Variants in IMMP2L observed in about 807,000 individuals in gnomAD.
IMMP2L encodes inner mitochondrial membrane peptidase subunit 2, also known as mitochondrial inner membrane protease subunit 2.
In IMMP2L, 18 loss-of-function variants were observed where a neutral mutation model predicts 19.3. The ratio of observed to expected loss-of-function variants is 0.93; its 90% CI spans 0.64 to 1.38. The LOEUF (loss-of-function observed/expected upper bound fraction) is 1.38, where lower values mean the gene tolerates loss of function less well. IMMP2L is among the 40% of genes most tolerant of loss of function. The pLI is 0.00. For synonymous variants in IMMP2L, 76 were observed against 73.0 expected (o/e 1.04, Z -0.21); for missense variants, 233 against 218.2 (o/e 1.07, Z -0.43).
intron 3 of IMMP2L, chr7:111,391,706 C>A: frequency 2.0e-6 from 1 of 507,296 alleles, no homozygotes; most frequent in Non-Finnish European, 3.5e-6. Context: ...TCCAAAGATG[C>A]AAATTTTTTA....
chr7:111,422,917 T>C (rs1282188255), intron 3 of IMMP2L, among the ~76,000 whole-genome samples: 2 of 151,880 alleles, frequency 1.3e-5, no homozygotes, highest in South Asian at 2.1e-4. Flanking sequence ...ATTGAAAGTT[T>C]TTAGCATGAA....
intron 5 of IMMP2L, among the ~76,000 whole-genome samples, chr7:110,670,675 G>T (rs1791836901): frequency 7.2e-6 from 1 of 138,420 alleles, no homozygotes. Flanking sequence ...TGGTGACAGA[G>T]CAAGACTCCG....
At chr7:110,866,707 G>C (rs1388486276) in intron 5 of IMMP2L, among the ~76,000 whole-genome samples, 1 of 152,174 alleles carries the variant, frequency 6.6e-6, no homozygotes, top group Admixed American at 6.6e-5. Flanking sequence ...TTTTACCAAA[G>C]GTTTCCGAGA....
At chr7:110,849,717 AAC>A (rs1476315758) in intron 5 of IMMP2L, among the ~76,000 whole-genome samples, 1 of 152,132 alleles carries the variant, frequency 6.6e-6, no homozygotes, top group Non-Finnish European at 1.5e-5. Context: ...TGCAGCAGTA[AAC>A]ATTTTCTGTA....
rs577015906 is a variant in IMMP2L, at chr7:111,195,827, T to C, written c.240-232262A>G. Among the ~76,000 whole-genome samples the C allele has an allele frequency of 8.0e-3, 375 of 47,056 alleles. 1 individual carries two copies. Among genetic ancestry groups the C allele is most frequent in the Non-Finnish European group, 0.02 (303 of 15,116 alleles). The allele number at this position is 47,056 out of a possible 152,430, so 30.9% of individuals were successfully genotyped here. On this transcript the variant is annotated intron_variant, in intron 3 of 5. Transcript: ENST00000405709. ...TTAATTTTTATTGTTTATTTTATTTTATTTCATTTCATTTCATTTCATTTC... is the reference window on the plus strand; with the variant it reads ...TTAATTTTTATTGTTTATTTTATTTCATTTCATTTCATTTCATTTCATTTC...
intron 5 of IMMP2L, among the ~76,000 whole-genome samples, chr7:110,703,757 G>C (rs1302995645): frequency 6.6e-6 from 1 of 151,912 alleles, no homozygotes; most frequent in Admixed American, 6.6e-5. Flanking sequence ...ATAATGACTA[G>C]GTTTCAAAAT....
chr7:111,108,728 A>G (rs1798831766), intron 3 of IMMP2L, among the ~76,000 whole-genome samples: 3 of 152,176 alleles, frequency 2.0e-5, no homozygotes, highest in South Asian at 4.1e-4. Context: ...CCAAGCTTAC[A>G]TCATCACTCA....
chr7:111,076,196 C>T (rs916987373), intron 3 of IMMP2L, among the ~76,000 whole-genome samples: 5 of 152,146 alleles, frequency 3.3e-5, no homozygotes, highest in Admixed American at 3.3e-4. Context: ...TGGACCAGCA[C>T]CACCAATGTC....
chr7:110,828,215 G>T (rs1584954259), intron 5 of IMMP2L, among the ~76,000 whole-genome samples: 1 of 152,110 alleles, frequency 6.6e-6, no homozygotes, highest in African/African-American at 2.4e-5. Context: ...ATATGTTAAT[G>T]AATGGGCATG....
At chr7:110,909,365 A>G (rs1812794462) in intron 4 of IMMP2L, among the ~76,000 whole-genome samples, 1 of 152,160 alleles carries the variant, frequency 6.6e-6, no homozygotes, top group Non-Finnish European at 1.5e-5. Context: ...ACATGAGTTC[A>G]TTTTACACAG....
intron 1 of IMMP2L, among the ~76,000 whole-genome samples, chr7:111,560,299 C>A (rs1394336185): frequency 1.3e-5 from 2 of 152,062 alleles, no homozygotes; most frequent in African/African-American, 4.8e-5. Flanking sequence ...TAGCTTAGAT[C>A]TTTTAAATGA....
chr7:110,970,466 T>C (rs1274676033), intron 3 of IMMP2L, among the ~76,000 whole-genome samples: 2 of 152,150 alleles, frequency 1.3e-5, no homozygotes, highest in African/African-American at 4.8e-5. Flanking sequence ...CATGGAGTTA[T>C]GGCTTTTAAA....
At chr7:110,899,812 C>CGTG (rs2129547095) in intron 4 of IMMP2L, among the ~76,000 whole-genome samples, 1 of 152,262 alleles carries the variant, frequency 6.6e-6, no homozygotes, top group African/African-American at 2.4e-5. Flanking sequence ...AAACATAAAG[C>CGTG]TCACATAAAA....
At chr7:111,144,705 T>A (rs897180063) in intron 3 of IMMP2L, among the ~76,000 whole-genome samples, 1 of 152,070 alleles carries the variant, frequency 6.6e-6, no homozygotes, top group Non-Finnish European at 1.5e-5. Context: ...TGGATTACAA[T>A]GAAAGAGATA....
Position 111,398,864 on chromosome 7 carries a change from C to T in IMMP2L, c.239+88374G>A, listed in dbSNP as rs1833138696. ...GCAGAGAATCAAATAAAGAACTCAACCCCTTTTACAATAGCTGCAAAAAAA... is the reference window on the plus strand; with the variant it reads ...GCAGAGAATCAAATAAAGAACTCAATCCCTTTTACAATAGCTGCAAAAAAA... On this transcript the variant is annotated intron_variant, in intron 3 of 5. Transcript: ENST00000405709. Among the ~76,000 whole-genome samples the T allele has an allele frequency of 2.0e-5, 3 of 150,776 alleles. No individual in the cohort carries two copies. In the South Asian group the frequency reaches 6.3e-4, roughly 32 times the overall value.
chr7:111,058,139 C>A (rs1793681755), intron 3 of IMMP2L, among the ~76,000 whole-genome samples: 2 of 151,966 alleles, frequency 1.3e-5, no homozygotes, highest in African/African-American at 4.8e-5. Context: ...ATCTATTTTT[C>A]TTTTACAAAC....
chr7:111,464,960 G>A (rs1840484506), intron 3 of IMMP2L, among the ~76,000 whole-genome samples: 1 of 151,760 alleles, frequency 6.6e-6, no homozygotes, highest in Non-Finnish European at 1.5e-5. Context: ...GGCTAATTTT[G>A]TTCTTGTATT....
intron 5 of IMMP2L, among the ~76,000 whole-genome samples, chr7:110,690,529 G>A (rs1048080717): frequency 2.0e-5 from 3 of 152,054 alleles, no homozygotes; most frequent in South Asian, 2.1e-4. Flanking sequence ...TCTATTTGCC[G>A]ATGATATGAT....
intron 3 of IMMP2L, among the ~76,000 whole-genome samples, chr7:111,157,636 G>A (rs1170427217): frequency 6.6e-6 from 1 of 152,038 alleles, no homozygotes; most frequent in East Asian, 1.9e-4. Context: ...TGGTTTGATA[G>A]AATGAATAAG....
Sources: allele counts gnomAD v4.1 joint callset (sites outside exome capture counted in the v4.1 genomes callset), GRCh38; gene constraint gnomAD v4.1.1; transcripts MANE v1.5; gene names NCBI Gene and HGNC (gene_info 2026-07-23, HGNC 2026-07-21).